The following ZNF560 variants were observed in gnomAD, a reference collection of about 807,000 sequenced individuals.
ZNF560 encodes zinc finger protein 560.
ZNF560 carries 54 observed loss-of-function variants against 81.8 expected under a neutral mutation model. The ratio of observed to expected loss-of-function variants is 0.66; its 90% CI spans 0.53 to 0.83. ZNF560 has a LOEUF of 0.83. ZNF560 is among the 40% of genes least tolerant of loss of function. The probability of loss-of-function intolerance (pLI) is 0.00; values close to 1 mark genes in which losing one functional copy is unlikely to be tolerated. For missense variants in ZNF560, 940 were observed against 932.4 expected, an observed-to-expected ratio of 1.01 and a Z score of -0.11; for synonymous variants, 321 against 317.9, an observed-to-expected ratio of 1.01 and a Z score of -0.10.
chr19:9,475,624 GGA>G (rs2073188746), intron 2 of ZNF560, among the ~76,000 whole-genome samples: 40 of 95,384 alleles, frequency 4.2e-4, no homozygotes, highest in African/African-American at 2.0e-3. Context: ...TTTTTTTTTT[GGA>G]GATGGAGTTT....
downstream of ZNF560, among the ~76,000 whole-genome samples, chr19:9,463,280 T>C (rs2072963189): frequency 6.6e-6 from 1 of 152,036 alleles, no homozygotes; most frequent in South Asian, 2.1e-4. Context: ...AAAAAGGAAA[T>C]CAGCTTCTGA....
chr19:9,498,305 T>G (rs1300979306), intron 1 of ZNF560, 90 bp from the exon 2 acceptor site: 1 of 152,188 alleles, frequency 6.6e-6, no homozygotes, highest in East Asian at 1.9e-4. Context: ...AACACACGGC[T>G]GAAAACAGCC....
chr19:9,463,826 G>A (rs2072972943), downstream of ZNF560, among the ~76,000 whole-genome samples: 1 of 152,184 alleles, frequency 6.6e-6, no homozygotes, highest in Non-Finnish European at 1.5e-5. Flanking sequence ...TGGACTACAG[G>A]CACGTGCCAT....
chr19:9,479,714 T>A (rs2073255862), intron 2 of ZNF560, among the ~76,000 whole-genome samples: 3 of 152,114 alleles, frequency 2.0e-5, no homozygotes, highest in Non-Finnish European at 4.4e-5. Flanking sequence ...ATTCCCCAAA[T>A]AATACAGCAA....
rs1178865208 is a variant in ZNF560, at chr19:9,469,695, T to C, written c.464A>G (p.Lys155Arg). The C allele has an allele frequency of 5.0e-6, 8 of 1,614,088 alleles. No individual in the cohort carries two copies. The highest frequency in any genetic ancestry group is 5.9e-6 in the Non-Finnish European group (7 of 1,180,050). The change falls in exon 8 of 10, where the codon AAA (lysine) becomes AGA (arginine). Residue 155 changes from lysine (K) to arginine (R), a missense_variant. By Grantham distance (26) the Lys-to-Arg change is conservative. Transcript: ENST00000301480. ...CTCCAGCCAAGAGATCAGACTGGGT[T>C]TGAAGAGCTGGTAACCTGTACACAG... ...NLSSVGYQLF[K>R]PSLISWLEEE...
chr19:9,493,113 T>G (rs1342882397), intron 2 of ZNF560, among the ~76,000 whole-genome samples: 1 of 152,098 alleles, frequency 6.6e-6, no homozygotes, highest in Non-Finnish European at 1.5e-5. Flanking sequence ...GTCTAGAACC[T>G]CCTAGCACTT....
At chr19:9,506,652 T>TA in the ZNF560 span, among the ~76,000 whole-genome samples, 1 of 152,136 alleles carries the variant, frequency 6.6e-6, no homozygotes, top group African/African-American at 2.4e-5. Context: ...GAACTCCTTT[T>TA]AGCATCTCTT....
At chr19:9,475,066 G>C (rs1568456512) in intron 3 of ZNF560, among the ~76,000 whole-genome samples, 1 of 151,928 alleles carries the variant, frequency 6.6e-6, no homozygotes, top group Non-Finnish European at 1.5e-5. Flanking sequence ...CACCATAAGG[G>C]ACAAAATTAA....
chr19:9,501,582 A>G (rs1280300259), upstream of ZNF560, among the ~76,000 whole-genome samples: 3 of 151,382 alleles, frequency 2.0e-5, no homozygotes, highest in Non-Finnish European at 1.5e-5. Flanking sequence ...GCTGGTCTCA[A>G]ACTCCTGACT....
intron 2 of ZNF560, among the ~76,000 whole-genome samples, chr19:9,482,790 G>A (rs888894487): frequency 2.0e-5 from 3 of 152,096 alleles, no homozygotes; most frequent in African/African-American, 7.2e-5. Flanking sequence ...AGCCTGCCGA[G>A]TGCCTGCAAT....
chr19:9,488,055 G>T (rs1452654016), intron 2 of ZNF560, among the ~76,000 whole-genome samples: 3 of 152,112 alleles, frequency 2.0e-5, no homozygotes, highest in Non-Finnish European at 4.4e-5. Flanking sequence ...TTTGGGTCAT[G>T]GGGGTAGATC....
At chr19:9,496,072 T>C (rs1246645884) in intron 2 of ZNF560, among the ~76,000 whole-genome samples, 2 of 152,160 alleles carry the variant, frequency 1.3e-5, no homozygotes, top group African/African-American at 2.4e-5. Flanking sequence ...ATATTAAAGG[T>C]TTAACCTAGT....
At chr19:9,453,216 GC>G in the ZNF560 span, among the ~76,000 whole-genome samples, 1 of 152,186 alleles carries the variant, frequency 6.6e-6, no homozygotes, top group Non-Finnish European at 1.5e-5. Context: ...CACTCTACAA[GC>G]CAAGAAGATG....
chr19:9,458,237 G>T, the ZNF560 span, among the ~76,000 whole-genome samples: 1 of 151,924 alleles, frequency 6.6e-6, no homozygotes, highest in Admixed American at 6.6e-5. Flanking sequence ...GACTTTGTGG[G>T]TATTCTCAAT....
Position 9,491,855 on chromosome 19 carries a change from A to G in ZNF560, c.-57+6273T>C, listed in dbSNP as rs960876169. The stretch of plus-strand genomic sequence containing the variant: ...AAAAAAAAAAAAAAAACAGGGATAA[A>G]GGCTACTATGGCTCAACAGTATGGA... On this transcript the variant is annotated intron_variant, in intron 2 of 9. Coordinates refer to ENST00000301480, the MANE Select transcript of ZNF560 (RefSeq NM_152476.3). 6.6e-5 allele frequency among the ~76,000 whole-genome samples: 10 copies of G among 150,420 alleles called. 1 individual carries two copies. Among genetic ancestry groups the G allele is most frequent in the Non-Finnish European group, 1.2e-4 (8 of 67,774 alleles).
intron 2 of ZNF560, among the ~76,000 whole-genome samples, chr19:9,491,544 T>C (rs2073473200): frequency 6.6e-6 from 1 of 152,008 alleles, no homozygotes; most frequent in South Asian, 2.1e-4. Flanking sequence ...ATAAGATTCT[T>C]GGCCAGGCAT....
At chr19:9,473,387 C>T in intron 4 of ZNF560, 128 bp from the exon 5 acceptor site, 1 of 633,488 alleles carries the variant, frequency 1.6e-6, no homozygotes, top group Non-Finnish European at 2.7e-6. Flanking sequence ...TCAAGATCAG[C>T]CTAAGATGGT....
At chr19:9,480,971 C>T (rs2073279028) in intron 2 of ZNF560, among the ~76,000 whole-genome samples, 1 of 151,470 alleles carries the variant, frequency 6.6e-6, no homozygotes, top group Non-Finnish European at 1.5e-5. Context: ...GTAGTCCCAG[C>T]TATTCAGGAG....
At chr19:9,469,250 G>T in intron 8 of ZNF560, 63 bp from the exon 9 acceptor site, 1 of 1,304,612 alleles carries the variant, frequency 7.7e-7, no homozygotes, top group Non-Finnish European at 1.1e-6. Context: ...TAAATAAAAA[G>T]CAGATAGATT....
Sources: gnomAD v4.1 joint callset for allele counts (sites outside exome capture counted in the v4.1 genomes callset) on GRCh38, gnomAD v4.1.1 for gene constraint, MANE v1.5 for transcripts, NCBI Gene and HGNC (gene_info 2026-07-23, HGNC 2026-07-21) for gene names.